Variants in KLB observed in about 807,000 individuals in gnomAD.
KLB encodes the protein klotho beta, also known as beta-klotho.
A neutral mutation model predicts 88.4 loss-of-function variants in KLB; 44 were observed. The observed-to-expected ratio is 0.50, with a 90% CI of 0.39 to 0.64. KLB has a LOEUF of 0.64. KLB is among the 30% of genes least tolerant of loss of function. The probability of loss-of-function intolerance (pLI) is 0.00; values close to 1 mark genes in which losing one functional copy is unlikely to be tolerated. For missense variants in KLB, 1,137 were observed against 1,304.8 expected, an observed-to-expected ratio of 0.87 and a Z score of 1.98; for synonymous variants, 548 against 513.4, an observed-to-expected ratio of 1.07 and a Z score of -0.91.
In KLB at chr4:39,419,757, C is replaced by T. The variant is rs1245765679; in HGVS notation, c.825+11983C>T. Among the ~76,000 whole-genome samples the T allele has an allele frequency of 8.9e-5, 12 of 135,230 alleles. No homozygotes were observed. The South Asian group carries it at 2.5e-3, about 28-fold the overall frequency. The allele number at this position is 135,230 out of a possible 152,430, so 88.7% of individuals were successfully genotyped here. ...CACCACTGCACTCCAGTCTGGGCGA[C>T]AGAGCAATTCCATCTCAAAAAAAAA... On this transcript the variant is annotated intron_variant, in intron 1 of 4. Coordinates refer to ENST00000257408, the MANE Select transcript of KLB (RefSeq NM_175737.4).
rs1743763373 is a variant in KLB at position 39,446,965 on chromosome 4, G to A, written c.2239G>A (p.Ala747Thr). The A allele has an allele frequency of 1.2e-6, 2 of 1,607,178 alleles. No individual in the cohort carries two copies. The highest frequency in any genetic ancestry group is 1.7e-6 in the Non-Finnish European group (2 of 1,179,720). ...AVSLSLHADW[A>T]EPANPYADSH... Reference sequence around the variant, plus strand: ...GTCGCTGTCGCTGCACGCGGACTGGGCGGAACCCGCCAACCCCTATGCTGA... The same window carrying A: ...GTCGCTGTCGCTGCACGCGGACTGGACGGAACCCGCCAACCCCTATGCTGA... Residue 747 changes from alanine (A) to threonine (T), a missense_variant, in exon 4 of 5, where the codon GCG (alanine) becomes ACG (threonine). By Grantham distance (58) the Ala-to-Thr change is moderately conservative (BLOSUM62 0). Around this residue, in one of 4 missense-constraint regions of KLB, gnomAD observed 426 missense variants for 404.6 expected, o/e 1.05. Coordinates refer to ENST00000257408, the MANE Select transcript of KLB (RefSeq NM_175737.4). This position sits in a 1 kb window ranked among gnomAD's most constrained non-coding sequence, Gnocchi z 6.4.
chr4:39,443,758 CAAAAAAA>C lies in KLB; in HGVS notation c.1606-2561_1606-2555del, dbSNP rs56820388. 2.9e-4 allele frequency among the ~76,000 whole-genome samples: 32 copies of C among 111,084 alleles called. No homozygotes were observed. In the East Asian group the frequency reaches 4.4e-3, roughly 15 times the overall value. The allele number at this position is 111,084 out of a possible 152,430, so 72.9% of individuals were successfully genotyped here. On this transcript the variant is annotated intron_variant, in intron 3 of 4. Coordinates refer to ENST00000257408, the MANE Select transcript of KLB (RefSeq NM_175737.4). ...CCTGGGCAACACAGTGAGACTTTGT[CAAAAAAA>C]AAAAAAAAAAAAGAAAAAAGAAGAA...
intron 1 of KLB, among the ~76,000 whole-genome samples, chr4:39,411,662 G>T (rs1560643552): frequency 6.6e-6 from 1 of 151,830 alleles, no homozygotes; most frequent in African/African-American, 2.4e-5. Flanking sequence ...TGGGATTACA[G>T]GTGTGAGCCA....
At chr4:39,408,349 C>T (rs1456327053) in intron 1 of KLB, among the ~76,000 whole-genome samples, 1 of 152,006 alleles carries the variant, frequency 6.6e-6, no homozygotes, top group East Asian at 1.9e-4. Context: ...CATTTCTTCC[C>T]ATAAGAACTG....
chr4:39,435,582 C>T (rs371505208), intron 2 of KLB, among the ~76,000 whole-genome samples: 10 of 152,098 alleles, frequency 6.6e-5, no homozygotes, highest in East Asian at 1.9e-4. Context: ...TCTGCCACCA[C>T]GCCCAGCTAA....
At chr4:39,429,935 T>C (rs1156262009) in intron 1 of KLB, among the ~76,000 whole-genome samples, 3 of 152,142 alleles carry the variant, frequency 2.0e-5, no homozygotes, top group African/African-American at 7.2e-5. Context: ...AAGATAACCC[T>C]AGATACCTTG....
intron 1 of KLB, among the ~76,000 whole-genome samples, chr4:39,428,869 G>A (rs1232490176): frequency 1.3e-5 from 2 of 151,948 alleles, no homozygotes; most frequent in Non-Finnish European, 2.9e-5. Context: ...CACCATGACC[G>A]GCTAATTTTT....
chr4:39,423,982 T>G (rs1251981134), intron 1 of KLB, among the ~76,000 whole-genome samples: 1 of 151,824 alleles, frequency 6.6e-6, no homozygotes, highest in Non-Finnish European at 1.5e-5. Context: ...CTGGGCAACA[T>G]AGTGAGACCC....
intron 1 of KLB, among the ~76,000 whole-genome samples, chr4:39,422,765 CT>C (rs34484025): frequency 0.34 from 49,328 of 145,976 alleles, 9,136 homozygotes; most frequent in South Asian, 0.56. Context: ...TTCAGTCTAA[CT>C]TTTTTTTTTT....
At chr4:39,445,643 T>C (rs1350965458) in intron 3 of KLB, among the ~76,000 whole-genome samples, 1 of 151,424 alleles carries the variant, frequency 6.6e-6, no homozygotes, top group South Asian at 2.1e-4. Flanking sequence ...TAGCTGGGAT[T>C]ACAAGCATGC....
rs370953078 is a variant in KLB, at chr4:39,436,212, TC to T, written c.1336+1493del. Among the ~76,000 whole-genome samples, 53 of 152,274 alleles carry T rather than the reference TC, an allele frequency of 3.5e-4. No individual in the cohort carries two copies. In the East Asian group the frequency reaches 9.1e-3, roughly 26 times the overall value. On this transcript the variant is annotated intron_variant, in intron 2 of 4. Transcript: ENST00000257408. ...ATGGATCTTTCTAAAATTCTGTTGC[TC>T]TCTTTAGAAGTCACAAGCCAGGAAG...
At chr4:39,442,759 G>C (rs2109842528) in intron 3 of KLB, among the ~76,000 whole-genome samples, 1 of 152,230 alleles carries the variant, frequency 6.6e-6, no homozygotes, top group Non-Finnish European at 1.5e-5. Flanking sequence ...ATAAACTTTT[G>C]ATAAATTGCG....
At chr4:39,417,627 T>G (rs2109823181) in intron 1 of KLB, among the ~76,000 whole-genome samples, 1 of 152,266 alleles carries the variant, frequency 6.6e-6, no homozygotes, top group East Asian at 1.9e-4. Context: ...GAAGAAAGAA[T>G]AAAGAACAGT....
In KLB at chr4:39,424,703, C is replaced by G. The variant is rs754012038; in HGVS notation, c.826-9507C>G. On this transcript the variant is annotated intron_variant, in intron 1 of 4. Transcript: ENST00000257408. ...CTGGAGTGCAGTGGCGCTATCTCGG[C>G]TCACTGCAACCTTTGCATCCCGGGT... 1.0e-4 allele frequency among the ~76,000 whole-genome samples: 15 copies of G among 148,290 alleles called. No homozygotes were observed. The East Asian group carries it at 2.7e-3, about 27-fold the overall frequency.
At chr4:39,437,309 A>G (rs1743493903) in intron 2 of KLB, among the ~76,000 whole-genome samples, 3 of 152,106 alleles carry the variant, frequency 2.0e-5, no homozygotes. Flanking sequence ...TAACTCCTTG[A>G]AGGATAGTTT....
rs1743750141 is a variant in KLB at position 39,446,520 on chromosome 4, G to A, written c.1794G>A (p.Arg598=). The part of the protein sequence containing the change: ...MLARMKVTHY[R]FALDWASVLP... ...CAAGAATGAAAGTCACCCACTACCG[G>A]TTTGCTCTGGATTGGGCCTCGGTCC... The change falls in exon 4 of 5, where the codon CGG becomes CGA. Residue 598 remains arginine, a synonymous_variant. Transcript: ENST00000257408. This position sits in a 1 kb window ranked among gnomAD's most constrained non-coding sequence, Gnocchi z 6.4. 6.2e-7 allele frequency: 1 copy of A among 1,614,210 alleles called. No individual in the cohort carries two copies. The highest frequency in any genetic ancestry group is 2.2e-5 in the East Asian group (1 of 44,884).
chr4:39,446,667 C>T lies in KLB; in HGVS notation c.1941C>T (p.Ala647=). 6.2e-7 allele frequency: 1 copy of T among 1,612,226 alleles called. No individual in the cohort carries two copies. Among genetic ancestry groups the T allele is most frequent in the South Asian group, 1.1e-5 (1 of 91,024 alleles). The change falls in exon 4 of 5, where the codon GCC becomes GCT. Residue 647 remains alanine (A), a synonymous_variant. Coordinates refer to ENST00000257408, the MANE Select transcript of KLB (RefSeq NM_175737.4). This position sits in a 1 kb window ranked among gnomAD's most constrained non-coding sequence, Gnocchi z 6.4. ...TCACCCTGTATTATCCGACCCACGC[C>T]CACCTAGGCCTCCCCGAGCCTCTGT... The part of the protein sequence containing the change: ...AMVTLYYPTH[A]HLGLPEPLLH...
chr4:39,433,237 G>A (rs1260479511), intron 1 of KLB, among the ~76,000 whole-genome samples: 1 of 152,106 alleles, frequency 6.6e-6, no homozygotes, highest in Non-Finnish European at 1.5e-5. Flanking sequence ...TTTCAGAAAG[G>A]TTAAGTGACT....
At chr4:39,430,398 G>A (rs1203571376) in intron 1 of KLB, among the ~76,000 whole-genome samples, 1 of 33,036 alleles carries the variant, frequency 3.0e-5, no homozygotes, top group Non-Finnish European at 6.3e-5. Flanking sequence ...GACTGCTTTT[G>A]TTTCTAATTA....
Sources: gnomAD v4.1 joint callset for allele counts (sites outside exome capture counted in the v4.1 genomes callset) on GRCh38, gnomAD v4.1.1 for gene constraint, gnomAD v4.1.1 regional missense constraint, Gnocchi (gnomAD v3.1) non-coding constraint, MANE v1.5 for transcripts, NCBI Gene and HGNC (gene_info 2026-07-23, HGNC 2026-07-21) for gene names.